The following ROBO4 variants were observed in gnomAD, a reference collection of about 807,000 sequenced individuals.
ROBO4 encodes the protein roundabout guidance receptor 4.
ROBO4 carries 80 observed loss-of-function variants against 103.3 expected under a neutral mutation model. That is an observed-to-expected ratio of 0.77 (90% CI 0.65 to 0.93). ROBO4 has a LOEUF of 0.93. Among genes scored for constraint, ROBO4 ranks in the 40% least tolerant of loss-of-function variants. The pLI, the probability that ROBO4 is intolerant of heterozygous loss-of-function variation, is 0.00. For missense variants in ROBO4, 1,333 were observed against 1,305.3 expected, an observed-to-expected ratio of 1.02 and a Z score of -0.33; for synonymous variants, 504 against 529.7, an observed-to-expected ratio of 0.95 and a Z score of 0.67.
chr11:124,885,004 C>A lies in ROBO4; in HGVS notation c.3001+37G>T, dbSNP rs765745901. The A allele has an allele frequency of 5.0e-6, 8 of 1,613,580 alleles. No homozygotes were observed. The South Asian group carries it at 8.8e-5, about 18-fold the overall frequency. ...GGCTTCTTCCCAGAGGCCCTCTGGT[C>A]AAGATGAACACATTAGCCAGGAAGA... On this transcript the variant is annotated intron_variant, in intron 17 of 17. Transcript: ENST00000306534.
Position 124,897,742 on chromosome 11 carries a change from C to T in ROBO4, c.54G>A (p.Leu18=), listed in dbSNP as rs1184663515. 6.2e-7 allele frequency: 1 copy of T among 1,613,946 alleles called. No individual in the cohort carries two copies. The highest frequency in any genetic ancestry group is 2.2e-5 in the East Asian group (1 of 44,870). ...LLGGRGSLPL[L]LLLIMGGMAQ... is the part of the protein sequence containing the mutation. ...GCAACTCACCCATGATGAGCAGGAGCAGCAGAGGCAGGGAACCCCTGCCCC... is the reference window on the plus strand; with the variant it reads ...GCAACTCACCCATGATGAGCAGGAGTAGCAGAGGCAGGGAACCCCTGCCCC... The change falls in exon 1 of 18, where the codon CTG becomes CTA. Residue 18 remains leucine, a synonymous_variant. Coordinates refer to ENST00000306534, the MANE Select transcript of ROBO4 (RefSeq NM_019055.6).
At chr11:124,891,864 G>T (rs1946805299) in intron 10 of ROBO4, 62 bp from the exon 11 acceptor site, 2 of 1,585,666 alleles carry the variant, frequency 1.3e-6, no homozygotes, top group African/African-American at 1.3e-5. Context: ...AACCTTTTTG[G>T]CCAAGACTTC....
At chr11:124,895,963 C>T (rs750687663) in intron 4 of ROBO4, 51 bp from the exon 5 acceptor site, 1 of 1,607,726 alleles carries the variant, frequency 6.2e-7, no homozygotes, top group African/African-American at 1.3e-5. Context: ...AGTGACAGAA[C>T]TGAGGCGTGG....
At chr11:124,897,673 C>T (rs1246555888) in intron 1 of ROBO4, 53 bp downstream of exon 1, 3 of 1,556,414 alleles carry the variant, frequency 1.9e-6, no homozygotes, top group African/African-American at 1.4e-5. Flanking sequence ...CCCTTCTGCC[C>T]TGAGCAGGCC....
Position 124,884,948 on chromosome 11 carries a change from A to T in ROBO4, c.3002-35T>A, listed in dbSNP as rs749170953. 4.7e-5 allele frequency: 76 copies of T among 1,614,142 alleles called. 1 individual carries two copies. In the South Asian group the frequency reaches 8.2e-4, roughly 17 times the overall value. On this transcript the variant is annotated intron_variant, in intron 17 of 17. Coordinates refer to ENST00000306534, the MANE Select transcript of ROBO4 (RefSeq NM_019055.6). ...AGTGGAGTTATCTCCCTTGCTCCTT[A>T]TCTCCCTTCCCCAGTGCCAGGCTTC...
Position 124,887,803 on chromosome 11 carries a change from G to A in ROBO4, c.1986C>T (p.Gly662=), listed in dbSNP as rs747711430. Residue 662 remains glycine (G), a synonymous_variant, in exon 13 of 18, where the codon GGC becomes GGT. Transcript: ENST00000306534. ...QHANSSPLLR[G]SHSLELRACE... ...AGGCCCGGAGCTCCAAGGAGTGGCT[G>A]CCCCGGAGCAGTGGGGAACTGTTGG... 1 of 1,613,988 alleles carries A rather than the reference G, an allele frequency of 6.2e-7. No homozygotes were observed. The highest frequency in any genetic ancestry group is 8.5e-7 in the Non-Finnish European group (1 of 1,179,954).
Position 124,896,335 on chromosome 11 carries a change from C to T in ROBO4, c.559-17G>A. ...CCCGGACACCTGTCAGGGCCAGGTT[C>T]ACTGTGAAGTCTCCTATGTGGGGAG... On this transcript the variant is annotated splice_polypyrimidine_tract_variant and intron_variant, in intron 3 of 17. Coordinates refer to ENST00000306534, the MANE Select transcript of ROBO4 (RefSeq NM_019055.6). 1 of 1,613,416 alleles carries T rather than the reference C, an allele frequency of 6.2e-7. No individual in the cohort carries two copies. Among genetic ancestry groups the T allele is most frequent in the Non-Finnish European group, 8.5e-7 (1 of 1,179,758 alleles).
intron 6 of ROBO4, 103 bp downstream of exon 6, chr11:124,895,354 C>T (rs941117490): frequency 5.7e-6 from 7 of 1,232,880 alleles, no homozygotes; most frequent in South Asian, 1.4e-5. Context: ...CAGGGTAGGA[C>T]CCATAATCTC....
intron 16 of ROBO4, among the ~76,000 whole-genome samples, chr11:124,886,206 C>A (rs1247348727): frequency 6.6e-6 from 1 of 152,172 alleles, no homozygotes; most frequent in Non-Finnish European, 1.5e-5. Flanking sequence ...AAGAATTGGA[C>A]AATTTGTCCT....
In ROBO4 at chr11:124,884,617, C is replaced by CTGGTGGTG. The variant is rs1946682328; in HGVS notation, c.*266_*273dup. Reference sequence around the variant, plus strand: ...GGGCTGCTCCTCAGGCCAAAACAACCTGGTGGTGGGAGTGGATGGCACAGA... The same window carrying CTGGTGGTG: ...GGGCTGCTCCTCAGGCCAAAACAACCTGGTGGTGTGGTGGTGGGAGTGGATGGCACAGA... On this transcript the variant is annotated 3_prime_UTR_variant, in exon 18 of 18. Transcript: ENST00000306534. The CTGGTGGTG allele has an allele frequency of 1.8e-6, 1 of 548,750 alleles. No homozygotes were observed. Among genetic ancestry groups the CTGGTGGTG allele is most frequent in the African/African-American group, 1.9e-5 (1 of 52,950 alleles). 34.0% of individuals were successfully genotyped at this position (548,750 alleles called of 1,614,324 possible).
rs777138754 is a variant in ROBO4 at position 124,891,546 on chromosome 11, G to A, written c.1701C>T (p.Ser567=). The change falls in exon 12 of 18, where the codon TCC becomes TCT. Residue 567 remains serine (S), a synonymous_variant. Coordinates refer to ENST00000306534, the MANE Select transcript of ROBO4 (RefSeq NM_019055.6). The part of the protein sequence containing the change: ...DCRRSLLSWD[S]RSPGVPLLPD... The stretch of plus-strand genomic sequence containing the variant: ...GAAGCAGGGGCACGCCGGGGCTTCG[G>A]GAGTCCCAGGAGAGCACTGTGACAT... The A allele has an allele frequency of 5.0e-6, 8 of 1,614,102 alleles. No homozygotes were observed. The highest frequency in any genetic ancestry group is 1.3e-5 in the African/African-American group (1 of 74,920).
chr11:124,889,137 G>A (rs762636387), intron 12 of ROBO4, among the ~76,000 whole-genome samples: 13 of 152,228 alleles, frequency 8.5e-5, no homozygotes, highest in Non-Finnish European at 1.5e-4. Context: ...ACTCATCAAT[G>A]ACTAGACTCC....
Position 124,897,161 on chromosome 11 carries a change from G to A in ROBO4, c.171C>T (p.Gly57=). 1 of 1,552,662 alleles carries A rather than the reference G, an allele frequency of 6.4e-7. No individual in the cohort carries two copies. Among genetic ancestry groups the A allele is most frequent in the Non-Finnish European group, 8.7e-7 (1 of 1,147,834 alleles). ...GPARMSCQAS[G]QPPPTIRWLL... ...ACCAGCGGATGGTGGGAGGTGGCTG[G>A]CCTGAGGCTTGGCAGCTCATCCTGG... Residue 57 remains glycine (G), a synonymous_variant, in exon 2 of 18, where the codon GGC becomes GGT. Transcript: ENST00000306534.
At chr11:124,888,392 T>C (rs1223346534) in intron 12 of ROBO4, among the ~76,000 whole-genome samples, 1 of 152,282 alleles carries the variant, frequency 6.6e-6, no homozygotes, top group Non-Finnish European at 1.5e-5. Context: ...AACTCGACTG[T>C]CTCTCACTTG....
rs1346935922 is a variant in ROBO4 at position 124,887,371 on chromosome 11, T to C, written c.2185A>G (p.Ser729Gly). 2 of 1,613,760 alleles carry C rather than the reference T, an allele frequency of 1.2e-6. No individual in the cohort carries two copies. Among genetic ancestry groups the C allele is most frequent in the Non-Finnish European group, 1.7e-6 (2 of 1,179,918 alleles). ...LFPHETPPTQ[S>G]QQTQPPVAPQ... ...ATGCCCTCTTACTGGGTCTGTTGACTCTGAGTTGGGGGAGTTTCATGAGGA... is the reference window on the plus strand; with the variant it reads ...ATGCCCTCTTACTGGGTCTGTTGACCCTGAGTTGGGGGAGTTTCATGAGGA... The change falls in exon 14 of 18, where the codon AGT becomes GGT. Residue 729 changes from serine to glycine, a missense_variant. By Grantham distance (56) the Ser-to-Gly change is moderately conservative (BLOSUM62 0). Transcript: ENST00000306534.
At chr11:124,885,304 GT>G in intron 16 of ROBO4, 57 bp from the exon 17 acceptor site, 1 of 1,446,578 alleles carries the variant, frequency 6.9e-7, no homozygotes, top group Non-Finnish European at 9.6e-7. Context: ...CTAGGGGCCA[GT>G]TTAGTACAGA....
In ROBO4 at chr11:124,893,725, A is replaced by G; in HGVS notation, c.1510T>C (p.Tyr504His). 2 of 1,613,882 alleles carry G rather than the reference A, an allele frequency of 1.2e-6. No individual in the cohort carries two copies. The highest frequency in any genetic ancestry group is 1.7e-6 in the Non-Finnish European group (2 of 1,179,936). Residue 504 changes from tyrosine (Y) to histidine (H), a missense_variant, in exon 10 of 18, where the codon TAC (tyrosine) becomes CAC (histidine). Physicochemically the swap from Tyr to His is moderately conservative, Grantham distance 83. Coordinates refer to ENST00000306534, the MANE Select transcript of ROBO4 (RefSeq NM_019055.6). Reference sequence around the variant, plus strand: ...ATGGCATCCTCACTGGTATATCTGTACAGACCTGGGAGAAGGCAGGAGGAA... The same window carrying G: ...ATGGCATCCTCACTGGTATATCTGTGCAGACCTGGGAGAAGGCAGGAGGAA... ...RARVHLGPGL[Y>H]RYTSEDAILK...
chr11:124,886,466 A>T lies in ROBO4; in HGVS notation c.2792T>A (p.Ile931Lys). 6.2e-7 allele frequency: 1 copy of T among 1,611,496 alleles called. No homozygotes were observed. Among genetic ancestry groups the T allele is most frequent in the Non-Finnish European group, 8.5e-7 (1 of 1,177,852 alleles). ...LEPREADCVF[I>K]DASSPPSPRD... ...TAAGATGGGGAGACCTCACATACCT[A>T]TGAAGACGCAGTCTGCCTCCCTGGG... Residue 931 changes from isoleucine to lysine, a missense_variant and splice_region_variant, in exon 16 of 18, where the codon ATA becomes AAA. Physicochemically the swap from Ile to Lys is moderately radical, Grantham distance 102. Coordinates refer to ENST00000306534, the MANE Select transcript of ROBO4 (RefSeq NM_019055.6).
At chr11:124,891,154 T>G in intron 12 of ROBO4, 145 bp downstream of exon 12, 1 of 902,306 alleles carries the variant, frequency 1.1e-6, no homozygotes, top group South Asian at 3.1e-5. Context: ...GAGAAAGAGG[T>G]CTTGTGTCCA....
Sources: allele counts gnomAD v4.1 joint callset (sites outside exome capture counted in the v4.1 genomes callset), GRCh38; gene constraint gnomAD v4.1.1; transcripts MANE v1.5; gene names NCBI Gene and HGNC (gene_info 2026-07-23, HGNC 2026-07-21).